Variants in ASXL1 observed in about 807,000 individuals in gnomAD.
ASXL1 encodes the protein polycomb group protein ASXL1.
Under a neutral mutation model 89.1 loss-of-function variants are expected in ASXL1, and 65 were observed. The ratio of observed to expected loss-of-function variants is 0.73; its 90% CI spans 0.60 to 0.90. The LOEUF is 0.90. Ranked by LOEUF, ASXL1 falls within the 40% of genes least tolerant of loss-of-function variation. The pLI, the probability that ASXL1 is intolerant of heterozygous loss-of-function variation, is 0.00. For missense variants in ASXL1, 1,786 were observed against 1,942.9 expected (o/e 0.92, Z 1.52); for synonymous variants, 739 against 746.9 (o/e 0.99, Z 0.17).
chr20:32,382,112 A>G (rs997084203), intron 4 of ASXL1, among the ~76,000 whole-genome samples: 2 of 151,764 alleles, frequency 1.3e-5, no homozygotes, highest in African/African-American at 2.4e-5. Flanking sequence ...TGAGGCCACC[A>G]GGCCTGGCTA....
Position 32,359,829 on chromosome 20 carries a change from C to G in ASXL1, c.57+997C>G, listed in dbSNP as rs1487221211. 26 of 717,650 alleles carry G rather than the reference C, an allele frequency of 3.6e-5. No homozygotes were observed. The Admixed American group carries it at 5.2e-4, about 14-fold the overall frequency. The allele number at this position is 717,650 out of a possible 1,614,324, so 44.5% of individuals were successfully genotyped here. A position where few individuals can be genotyped will look rare whatever the true frequency, so the allele number is the denominator to read the frequency against. On this transcript the variant is annotated intron_variant, in intron 1 of 12. Transcript: ENST00000375687. ...CCTTTTGGATTACTCCCACAAAGCT[C>G]AGACACTTTGAGACATATTCGGGTA...
chr20:32,385,909 A>T (rs1485779890), intron 4 of ASXL1, among the ~76,000 whole-genome samples: 1 of 152,096 alleles, frequency 6.6e-6, no homozygotes, highest in African/African-American at 2.4e-5. Flanking sequence ...TGAATTCCTT[A>T]AGCTTTTTCC....
chr20:32,384,854 A>AT (rs923825482), intron 4 of ASXL1, among the ~76,000 whole-genome samples: 19 of 150,828 alleles, frequency 1.3e-4, no homozygotes, highest in South Asian at 8.4e-4. Flanking sequence ...CTAAAGATGT[A>AT]TTTTTTTTTG....
chr20:32,363,838 A>C (rs1365075627), intron 1 of ASXL1, among the ~76,000 whole-genome samples: 1 of 152,170 alleles, frequency 6.6e-6, no homozygotes, highest in Non-Finnish European at 1.5e-5. Context: ...GTGTATTTGC[A>C]ACGTGTGGGA....
intron 4 of ASXL1, among the ~76,000 whole-genome samples, chr20:32,404,175 C>G (rs2048918002): frequency 6.6e-6 from 1 of 152,150 alleles, no homozygotes; most frequent in Admixed American, 6.6e-5. Context: ...CTCCCTGCCC[C>G]CTTCCCAGCT....
intron 4 of ASXL1, among the ~76,000 whole-genome samples, chr20:32,411,258 C>T (rs1424461196): frequency 2.7e-5 from 3 of 111,910 alleles, no homozygotes; most frequent in East Asian, 2.4e-4. Context: ...GAGTCTCATG[C>T]GCTCTGTCAC....
intron 4 of ASXL1, among the ~76,000 whole-genome samples, chr20:32,395,715 G>C (rs2123019667): frequency 6.6e-6 from 1 of 152,218 alleles, no homozygotes; most frequent in Middle Eastern, 3.4e-3. Flanking sequence ...AGTTTCTACT[G>C]ATCTTCATTT....
rs139604375 is a variant in ASXL1, at chr20:32,361,573, G to A, written c.57+2741G>A. Among the ~76,000 whole-genome samples, 1,019 of 132,950 alleles carry A rather than the reference G, an allele frequency of 7.7e-3. 12 individuals are homozygous for A. Among genetic ancestry groups the A allele is most frequent in the African/African-American group, 0.026 (930 of 35,876 alleles). The allele number at this position is 132,950 out of a possible 152,430, so 87.2% of individuals were successfully genotyped here. On this transcript the variant is annotated intron_variant, in intron 1 of 12. Transcript: ENST00000375687. ...GAATCACTTGAACTTGGGAGGTGGA[G>A]GTTGCAGAGAGCCAAGGCCATGCCA...
chr20:32,433,261 A>C, intron 11 of ASXL1, 23 bp from the exon 12 acceptor site: 1 of 1,614,100 alleles, frequency 6.2e-7, no homozygotes, highest in Non-Finnish European at 8.5e-7. Context: ...CCTGAAACTG[A>C]TGGCTGTGAT....
In ASXL1 at chr20:32,411,031, CA is replaced by C. The variant is rs1257482301; in HGVS notation, c.253-17082del. Among the ~76,000 whole-genome samples the C allele has an allele frequency of 4.7e-3, 131 of 27,686 alleles. 1 individual carries two copies. Among genetic ancestry groups the C allele is most frequent in the Non-Finnish European group, 6.0e-3 (78 of 12,974 alleles). The allele number at this position is 27,686 out of a possible 152,430, so 18.2% of individuals were successfully genotyped here. ...TGGGCAACAGAACAAGACTCTGTCT[CA>C]AAAAAAAAAAAAAATAAAAAAAATA... On this transcript the variant is annotated intron_variant, in intron 4 of 12. Coordinates refer to ENST00000375687, the MANE Select transcript of ASXL1 (RefSeq NM_015338.6).
intron 4 of ASXL1, among the ~76,000 whole-genome samples, chr20:32,392,343 C>T (rs546318558): frequency 1.5e-4 from 23 of 149,966 alleles, no homozygotes; most frequent in African/African-American, 3.9e-4. Flanking sequence ...AGTGCAGTGG[C>T]GCAATCTTGG....
chr20:32,434,319 A>T, intron 12 of ASXL1, 113 bp from the exon 13 acceptor site: 1 of 1,323,472 alleles, frequency 7.6e-7, no homozygotes, highest in Non-Finnish European at 1.1e-6. Context: ...TAAGGAAATT[A>T]TTTGATTCTG....
At chr20:32,368,890 A>G in intron 3 of ASXL1, 125 bp from the exon 4 acceptor site, 1 of 698,090 alleles carries the variant, frequency 1.4e-6, no homozygotes, top group Non-Finnish European at 2.4e-6. Context: ...TGAAATTGTC[A>G]TGAGATTTTT....
chr20:32,363,578 A>G (rs887260094), intron 1 of ASXL1, among the ~76,000 whole-genome samples: 8 of 152,222 alleles, frequency 5.3e-5, no homozygotes, highest in African/African-American at 1.9e-4. Context: ...GTCTAGTCAT[A>G]GTTTCTCCTT....
intron 4 of ASXL1, among the ~76,000 whole-genome samples, chr20:32,377,832 T>C (rs1812063255): frequency 6.6e-6 from 1 of 151,882 alleles, no homozygotes; most frequent in Non-Finnish European, 1.5e-5. Flanking sequence ...TTTGTATTTT[T>C]AGTAGAGATG....
chr20:32,375,235 TCGG>T (rs1402270398), intron 4 of ASXL1, among the ~76,000 whole-genome samples: 1 of 151,866 alleles, frequency 6.6e-6, no homozygotes, highest in Non-Finnish European at 1.5e-5. Flanking sequence ...GGAGGCTGAG[TCGG>T]GCGGATCACC....
rs1342111903 is a variant in ASXL1, at chr20:32,431,639, T to C, written c.939T>C (p.Phe313=). The change falls in exon 10 of 13, where the codon TTT becomes TTC. Residue 313 remains phenylalanine (F), a synonymous_variant. Transcript: ENST00000375687. ...LSSSALNNEF[F]THAAQSWRER... ...GCAGTGCACTAAATAACGAGTTTTT[T>C]ACCCATGCGGCTCAGAGCTGGCGGG... 7 of 1,613,988 alleles carry C rather than the reference T, an allele frequency of 4.3e-6. No homozygotes were observed. Among genetic ancestry groups the C allele is most frequent in the Non-Finnish European group, 5.9e-6 (7 of 1,180,046 alleles).
chr20:32,425,602 C>T (rs2011253577), intron 4 of ASXL1, among the ~76,000 whole-genome samples: 1 of 152,132 alleles, frequency 6.6e-6, no homozygotes, highest in South Asian at 2.1e-4. Context: ...ATTAAATACC[C>T]TTTTATATGT....
At chr20:32,379,653 C>G (rs988401930) in intron 4 of ASXL1, among the ~76,000 whole-genome samples, 2 of 150,790 alleles carry the variant, frequency 1.3e-5, no homozygotes, top group African/African-American at 4.9e-5. Flanking sequence ...TGGTGAAACC[C>G]CGTCTGTACT....
Sources: gnomAD v4.1 joint callset for allele counts (sites outside exome capture counted in the v4.1 genomes callset) on GRCh38, gnomAD v4.1.1 for gene constraint, MANE v1.5 for transcripts, NCBI Gene and HGNC (gene_info 2026-07-23, HGNC 2026-07-21) for gene names.